BOC: variants seen among roughly 807,000 people sequenced by gnomAD.
BOC encodes brother of CDO.
Under a neutral mutation model 112.0 loss-of-function variants are expected in BOC, and 76 were observed. That is an observed-to-expected ratio of 0.68 (90% CI 0.56 to 0.82). The LOEUF (loss-of-function observed/expected upper bound fraction) is 0.82. Ranked by LOEUF, BOC falls within the 40% of genes least tolerant of loss-of-function variation. The probability of loss-of-function intolerance (pLI) is 0.00; values close to 1 mark genes in which losing one functional copy is unlikely to be tolerated. For synonymous variants in BOC, 580 were observed against 599.8 expected (o/e 0.97, Z 0.48); for missense variants, 1,309 against 1,511.7 (o/e 0.87, Z 2.22).
chr3:113,284,847 C>A lies in BOC; in HGVS notation c.2955C>A (p.His985Gln). 6.2e-7 allele frequency: 1 copy of A among 1,614,122 alleles called. No individual in the cohort carries two copies. The highest frequency in any genetic ancestry group is 1.1e-5 in the South Asian group (1 of 91,092). ...HLGNGYDPQSHQITRGPKSSP... is the reference protein window; with the variant it reads ...HLGNGYDPQSQQITRGPKSSP... The stretch of plus-strand genomic sequence containing the variant: ...GCAATGGATATGACCCCCAAAGTCA[C>A]CAGATCACGAGGTAACCAGGCCTCT... The change falls in exon 18 of 20, where the codon CAC becomes CAA. Residue 985 changes from histidine to glutamine, a missense_variant. Transcript: ENST00000682979.
intron 2 of BOC, among the ~76,000 whole-genome samples, chr3:113,233,084 G>A (rs1412300522): frequency 6.6e-6 from 1 of 150,878 alleles, no homozygotes; most frequent in African/African-American, 2.4e-5. Context: ...TTACCCCAAG[G>A]CCTAGATTTT....
In BOC at chr3:113,285,396, G is replaced by C. The variant is rs920296187; in HGVS notation, c.2991G>C (p.Glu997Asp). The change falls in exon 19 of 20, where the codon GAG becomes GAC. Residue 997 changes from glutamate to aspartate, a missense_variant. Transcript: ENST00000682979. ...ITRGPKSSPDEGSFLYTLPDD... is the reference protein window; with the variant it reads ...ITRGPKSSPDDGSFLYTLPDD... ...GGGGTCCCAAGTCTAGCCCGGACGA[G>C]GGCTCTTTCTTATACACACTGCCCG... 2 of 1,613,256 alleles carry C rather than the reference G, an allele frequency of 1.2e-6. No individual in the cohort carries two copies. The highest frequency in any genetic ancestry group is 2.2e-5 in the East Asian group (1 of 44,890).
intron 19 of BOC, among the ~76,000 whole-genome samples, chr3:113,286,301 C>A (rs1949686533): frequency 6.6e-6 from 1 of 152,100 alleles, no homozygotes. Context: ...TCTGGGGGGA[C>A]TGGATTGTGA....
chr3:113,260,115 T>C (rs1172543457), intron 4 of BOC, among the ~76,000 whole-genome samples: 4 of 152,176 alleles, frequency 2.6e-5, no homozygotes, highest in African/African-American at 9.7e-5. Context: ...TAGGAACTGT[T>C]ATTATGCATC....
rs75174145 is a variant in BOC, at chr3:113,252,861, G to A, written c.376+2028G>A. 2.7e-3 allele frequency among the ~76,000 whole-genome samples: 406 copies of A among 152,284 alleles called. 7 individuals carry two copies. In the East Asian group the frequency reaches 0.05, roughly 19 times the overall value. Reference sequence around the variant, plus strand: ...GCTCAGGGAGGGAGGCAGGCCGTGGGTGGCTAGAGGGCCCTCCCTTCCAGC... The same window carrying A: ...GCTCAGGGAGGGAGGCAGGCCGTGGATGGCTAGAGGGCCCTCCCTTCCAGC... On this transcript the variant is annotated intron_variant, in intron 4 of 19. Coordinates refer to ENST00000682979, the MANE Select transcript of BOC (RefSeq NM_001378074.1).
chr3:113,248,984 G>A (rs1025293794), intron 2 of BOC, among the ~76,000 whole-genome samples: 4 of 152,136 alleles, frequency 2.6e-5, no homozygotes, highest in Admixed American at 6.5e-5. Context: ...GCTAGTGAGT[G>A]AAGCGAAAAC....
intron 2 of BOC, among the ~76,000 whole-genome samples, chr3:113,244,424 A>G (rs114522935): frequency 1.4e-3 from 218 of 152,354 alleles, no homozygotes; most frequent in Non-Finnish European, 2.1e-3. Context: ...AGCATGACTT[A>G]TACTTAAAAA....
intron 2 of BOC, among the ~76,000 whole-genome samples, chr3:113,241,732 C>G (rs910932999): frequency 6.6e-6 from 1 of 152,240 alleles, no homozygotes; most frequent in Non-Finnish European, 1.5e-5. Flanking sequence ...CGGGGCAACA[C>G]AGCCCCCATA....
chr3:113,250,969 A>C lies in BOC; in HGVS notation c.376+136A>C, dbSNP rs1478153388. The C allele has an allele frequency of 5.3e-6, 6 of 1,142,118 alleles. No individual in the cohort carries two copies. The South Asian group carries it at 9.0e-5, about 17-fold the overall frequency. 70.7% of individuals were successfully genotyped at this position (1,142,118 alleles called of 1,614,324 possible). On this transcript the variant is annotated intron_variant, in intron 4 of 19. Coordinates refer to ENST00000682979, the MANE Select transcript of BOC (RefSeq NM_001378074.1). The stretch of plus-strand genomic sequence containing the variant: ...CTTAACTGCAGAAATGTCAAATCAG[A>C]ACAGTAGCTGCCTAGTAATGCCCAG...
intron 1 of BOC, among the ~76,000 whole-genome samples, chr3:113,213,374 A>G (rs1489688687): frequency 6.6e-6 from 1 of 152,196 alleles, no homozygotes; most frequent in African/African-American, 2.4e-5. Flanking sequence ...CATTGGATGA[A>G]TGTCATTTTA....
At chr3:113,233,894 C>G in intron 2 of BOC, among the ~76,000 whole-genome samples, 1 of 140,462 alleles carries the variant, frequency 7.1e-6, no homozygotes, top group East Asian at 2.5e-4. Context: ...CAAACCAAAT[C>G]CCTAAGGGAG....
At chr3:113,222,423 G>T (rs1940870913) in intron 2 of BOC, among the ~76,000 whole-genome samples, 2 of 152,128 alleles carry the variant, frequency 1.3e-5, no homozygotes, top group Non-Finnish European at 2.9e-5. Context: ...ATATGTATAT[G>T]GGGGGAAAAT....
At chr3:113,280,263 C>T (rs1303165738) in intron 13 of BOC, among the ~76,000 whole-genome samples, 2 of 151,986 alleles carry the variant, frequency 1.3e-5, no homozygotes, top group Non-Finnish European at 2.9e-5. Flanking sequence ...GGCCCCTTCT[C>T]AGCCACAGGG....
intron 2 of BOC, among the ~76,000 whole-genome samples, chr3:113,234,249 T>G (rs1943111478): frequency 6.6e-6 from 1 of 152,142 alleles, no homozygotes; most frequent in Non-Finnish European, 1.5e-5. Flanking sequence ...TCTAGGACTG[T>G]GTGAGGAATG....
At position 113,278,190 on chromosome 3, in the gene BOC, T is replaced by C. The variant is rs1454697189; in HGVS notation, c.1638T>C (p.Tyr546=). 1.2e-6 allele frequency: 2 copies of C among 1,614,084 alleles called. No individual in the cohort carries two copies. The highest frequency in any genetic ancestry group is 1.3e-5 in the African/African-American group (1 of 74,912). ...TLTRLDPGSL[Y]EVEMAAYNCA... ...CCAGACTTGACCCCGGGAGCTTGTA[T>C]GAAGTGGAGATGGCAGCTTACAACT... The change falls in exon 10 of 20, where the codon TAT becomes TAC. Residue 546 remains tyrosine (Y), a synonymous_variant. Transcript: ENST00000682979. The surrounding 1 kb of genome is among the most constrained non-coding windows in gnomAD (Gnocchi z 4.2).
chr3:113,279,590 C>A, intron 12 of BOC, 135 bp downstream of exon 12: 1 of 927,780 alleles, frequency 1.1e-6, no homozygotes, highest in South Asian at 1.7e-5. Context: ...ATGTTGCTGT[C>A]TGTGGTGTTT....
At chr3:113,233,697 C>T (rs1162777847) in intron 2 of BOC, among the ~76,000 whole-genome samples, 1 of 152,144 alleles carries the variant, frequency 6.6e-6, no homozygotes, top group Non-Finnish European at 1.5e-5. Context: ...TCACCGCTGC[C>T]TAGTGGGCTG....
At chr3:113,237,467 T>C (rs1943719788) in intron 2 of BOC, among the ~76,000 whole-genome samples, 1 of 152,142 alleles carries the variant, frequency 6.6e-6, no homozygotes, top group Admixed American at 6.5e-5. Flanking sequence ...ACAGGCATGG[T>C]CTCATCCTAG....
At chr3:113,250,321 A>T (rs1243483296) in intron 3 of BOC, among the ~76,000 whole-genome samples, 1 of 152,214 alleles carries the variant, frequency 6.6e-6, no homozygotes, top group African/African-American at 2.4e-5. Flanking sequence ...GATGAGACTC[A>T]GGTCTGTCCA....
Sources: gnomAD v4.1 joint callset for allele counts (sites outside exome capture counted in the v4.1 genomes callset) on GRCh38, gnomAD v4.1.1 for gene constraint, Gnocchi (gnomAD v3.1) non-coding constraint, MANE v1.5 for transcripts, NCBI Gene and HGNC (gene_info 2026-07-23, HGNC 2026-07-21) for gene names.